PALM2AKAP2: variants seen among roughly 807,000 people sequenced by gnomAD.
PALM2AKAP2 encodes the protein PALM2 and AKAP2 fusion.
In PALM2AKAP2, 37 loss-of-function variants were observed where a neutral mutation model predicts 71.5. The ratio of observed to expected loss-of-function variants is 0.52; its 90% CI spans 0.40 to 0.68. The LOEUF is 0.68. Ranked by LOEUF, PALM2AKAP2 falls within the 30% of genes least tolerant of loss-of-function variation. PALM2AKAP2 has a pLI of 0.00. For missense variants in PALM2AKAP2, 1,224 were observed against 1,191.8 expected (o/e 1.03, Z -0.40); for synonymous variants, 468 against 478.8 (o/e 0.98, Z 0.29).
At chr9:109,715,230 C>T (rs920748697) in intron 1 of PALM2AKAP2, among the ~76,000 whole-genome samples, 3 of 152,020 alleles carry the variant, frequency 2.0e-5, no homozygotes, top group East Asian at 1.9e-4. Flanking sequence ...TGAGATAGGC[C>T]CGCTTTCCAG....
intron 1 of PALM2AKAP2, among the ~76,000 whole-genome samples, chr9:110,055,770 G>A (rs1017708553): frequency 6.6e-6 from 1 of 152,194 alleles, no homozygotes; most frequent in South Asian, 2.1e-4. Context: ...TCCCCACTGT[G>A]CCTGGAGTGC....
At chr9:109,727,140 T>C (rs1230103163) in intron 1 of PALM2AKAP2, among the ~76,000 whole-genome samples, 3 of 152,234 alleles carry the variant, frequency 2.0e-5, no homozygotes, top group Non-Finnish European at 4.4e-5. Context: ...ATTTAAATTA[T>C]TCTTGTTTTC....
intron 1 of PALM2AKAP2, among the ~76,000 whole-genome samples, chr9:110,105,311 C>T (rs1329695901): frequency 6.6e-6 from 1 of 152,174 alleles, no homozygotes; most frequent in African/African-American, 2.4e-5. Context: ...GAAGCTCCCA[C>T]GTTATAGTTT....
chr9:110,091,936 A>G (rs892912101), intron 1 of PALM2AKAP2, among the ~76,000 whole-genome samples: 1 of 152,292 alleles, frequency 6.6e-6, no homozygotes, highest in East Asian at 1.9e-4. Context: ...ATGTTTGAGT[A>G]TCAAGTTTAC....
At chr9:109,948,637 C>T (rs1395075116) in intron 6 of PALM2AKAP2, among the ~76,000 whole-genome samples, 1 of 152,116 alleles carries the variant, frequency 6.6e-6, no homozygotes, top group Non-Finnish European at 1.5e-5. Context: ...ATTGCCTCTT[C>T]ATAATCACCT....
chr9:109,763,159 C>CG (rs1829084867), intron 1 of PALM2AKAP2, among the ~76,000 whole-genome samples: 1 of 152,006 alleles, frequency 6.6e-6, no homozygotes, highest in Admixed American at 6.5e-5. Flanking sequence ...TAACATATCC[C>CG]GGGGGTCACT....
At chr9:109,837,683 G>T (rs894778079) in intron 1 of PALM2AKAP2, among the ~76,000 whole-genome samples, 3 of 152,058 alleles carry the variant, frequency 2.0e-5, no homozygotes, top group Non-Finnish European at 4.4e-5. Flanking sequence ...GATGGGGGAA[G>T]ATCTACCAAG....
intron 6 of PALM2AKAP2, among the ~76,000 whole-genome samples, chr9:109,970,730 A>G (rs1012257911): frequency 2.6e-5 from 4 of 152,344 alleles, no homozygotes; most frequent in South Asian, 2.1e-4. Context: ...GTACTATCTC[A>G]TAGGGTTTTT....
At chr9:109,984,781 G>T (rs1832341822) in intron 6 of PALM2AKAP2, among the ~76,000 whole-genome samples, 1 of 151,892 alleles carries the variant, frequency 6.6e-6, no homozygotes, top group Non-Finnish European at 1.5e-5. Flanking sequence ...TGAGGTGGGA[G>T]GATCACTTGA....
intron 7 of PALM2AKAP2, among the ~76,000 whole-genome samples, chr9:110,035,844 T>TATATGATATGTTGTGTGTTATATATAAC (rs1833397665): frequency 1.4e-5 from 2 of 147,166 alleles, no homozygotes; most frequent in Non-Finnish European, 3.0e-5. Flanking sequence ...TTATATATAA[T>TATATGATATGTTGTGTGTTATATATAAC]ATATATGATA....
At position 109,808,984 on chromosome 9, in the gene PALM2AKAP2, G is replaced by A. The variant is rs534824056; in HGVS notation, c.45+28451G>A. On this transcript the variant is annotated intron_variant, in intron 1 of 9. Transcript: ENST00000302798. ...CACAGAAGTCAAGAATTGAGGTTTG[G>A]GAACCTCCCCCTGGATTTCAGAGTA... Among the ~76,000 whole-genome samples, 11 of 152,360 alleles carry A rather than the reference G, an allele frequency of 7.2e-5. No homozygotes were observed. The South Asian group carries it at 2.3e-3, about 32-fold the overall frequency.
exon 4 of PALM2AKAP2, chr9:110,169,435 C>T (rs1836808025): frequency 6.6e-6 from 1 of 152,128 alleles, no homozygotes; most frequent in Non-Finnish European, 1.5e-5. Flanking sequence ...AAGGCGAACT[C>T]TGCCTTGGAG....
intron 1 of PALM2AKAP2, among the ~76,000 whole-genome samples, chr9:109,692,860 A>G (rs1276650843): frequency 2.0e-5 from 3 of 151,880 alleles, no homozygotes; most frequent in African/African-American, 7.2e-5. Flanking sequence ...AAAGTTTTGC[A>G]TCTATGTGCA....
At chr9:110,115,943 CCT>C (rs1281184562) in intron 1 of PALM2AKAP2, among the ~76,000 whole-genome samples, 4 of 152,164 alleles carry the variant, frequency 2.6e-5, no homozygotes, top group African/African-American at 9.7e-5. Flanking sequence ...TTTTCTTTCT[CCT>C]CTGGCATTGT....
chr9:109,839,864 A>G (rs562203386), intron 1 of PALM2AKAP2, among the ~76,000 whole-genome samples: 30 of 152,350 alleles, frequency 2.0e-4, no homozygotes, highest in Middle Eastern at 3.4e-3. Context: ...GAAATAGAAG[A>G]GGACACAAAC....
At chr9:110,029,868 T>C (rs1272716604) in intron 7 of PALM2AKAP2, among the ~76,000 whole-genome samples, 1 of 152,210 alleles carries the variant, frequency 6.6e-6, no homozygotes, top group African/African-American at 2.4e-5. Context: ...TTGGAATGAT[T>C]GCAAATTATT....
At chr9:109,833,902 G>A (rs1338479622) in intron 1 of PALM2AKAP2, among the ~76,000 whole-genome samples, 1 of 152,160 alleles carries the variant, frequency 6.6e-6, no homozygotes, top group Non-Finnish European at 1.5e-5. Flanking sequence ...CCCTCCAAGG[G>A]GCATGCTTTC....
At chr9:110,023,807 C>T (rs905718385) in intron 7 of PALM2AKAP2, among the ~76,000 whole-genome samples, 13 of 152,020 alleles carry the variant, frequency 8.6e-5, no homozygotes, top group African/African-American at 3.1e-4. Flanking sequence ...GCCTGAGCAA[C>T]ATGACAAAAC....
chr9:109,754,928 C>T (rs1331758884), intron 1 of PALM2AKAP2, among the ~76,000 whole-genome samples: 2 of 152,072 alleles, frequency 1.3e-5, no homozygotes, highest in Admixed American at 6.6e-5. Context: ...ACTATCCAAC[C>T]AGTTGCACAG....
Sources: gnomAD v4.1 joint callset for allele counts (sites outside exome capture counted in the v4.1 genomes callset) on GRCh38, gnomAD v4.1.1 for gene constraint, MANE v1.5 for transcripts, NCBI Gene and HGNC (gene_info 2026-07-23, HGNC 2026-07-21) for gene names.